Variants in JAZF1 observed in about 807,000 individuals in gnomAD.
JAZF1 encodes the protein juxtaposed with another zinc finger protein 1.
In JAZF1, 8 loss-of-function variants were observed where a neutral mutation model predicts 26.4. That is an observed-to-expected ratio of 0.30 (90% CI 0.18 to 0.55). The LOEUF (loss-of-function observed/expected upper bound fraction) is 0.55, where lower values mean the gene tolerates loss of function less well. JAZF1 is among the 20% of genes least tolerant of loss of function. The pLI is 0.94. For missense variants in JAZF1, 199 were observed against 322.0 expected, an observed-to-expected ratio of 0.62 and a Z score of 2.92; for synonymous variants, 126 against 122.3, an observed-to-expected ratio of 1.03 and a Z score of -0.20.
chr7:28,092,574 G>A (rs1195562220), intron 1 of JAZF1, among the ~76,000 whole-genome samples: 2 of 152,080 alleles, frequency 1.3e-5, no homozygotes, highest in African/African-American at 4.8e-5. Flanking sequence ...TGGATGCGGT[G>A]GCTCACACTT....
chr7:28,078,452 A>G lies in JAZF1; in HGVS notation c.116-86471T>C, dbSNP rs529129862. 1.2e-3 allele frequency among the ~76,000 whole-genome samples: 186 copies of G among 152,322 alleles called. 2 individuals are homozygous for G. Among genetic ancestry groups the G allele is most frequent in the African/African-American group, 4.3e-3 (179 of 41,564 alleles). On this transcript the variant is annotated intron_variant, in intron 1 of 4. Transcript: ENST00000283928. Reference sequence around the variant, plus strand: ...ATTTCTTTTTGCAGAAGCCATCTCCATGCAATCACCTACACTGCCCTCTTG... The same window carrying G: ...ATTTCTTTTTGCAGAAGCCATCTCCGTGCAATCACCTACACTGCCCTCTTG...
At chr7:28,045,615 C>T (rs964837465) in intron 1 of JAZF1, among the ~76,000 whole-genome samples, 1 of 152,132 alleles carries the variant, frequency 6.6e-6, no homozygotes, top group Non-Finnish European at 1.5e-5. Flanking sequence ...CTCACTCTGT[C>T]GCCAAGTTTG....
At chr7:28,036,921 C>T (rs1583522777) in intron 1 of JAZF1, among the ~76,000 whole-genome samples, 1 of 152,274 alleles carries the variant, frequency 6.6e-6, no homozygotes, top group South Asian at 2.1e-4. Flanking sequence ...ATCTACAGAA[C>T]AAACTCCCTC....
intron 2 of JAZF1, among the ~76,000 whole-genome samples, chr7:27,907,176 AAATTAATGACTCCTTCTCAT>A (rs1422695343): frequency 6.6e-6 from 1 of 152,222 alleles, no homozygotes; most frequent in African/African-American, 2.4e-5. Context: ...CAAGCTTAGA[AAATTAATGACTCCTTCTCAT>A]CTTGGGGTCC....
At chr7:27,852,420 C>T (rs995654106) in intron 3 of JAZF1, among the ~76,000 whole-genome samples, 1 of 152,164 alleles carries the variant, frequency 6.6e-6, no homozygotes, top group Non-Finnish European at 1.5e-5. Flanking sequence ...AGGCATGAGC[C>T]ACTGCACCTG....
chr7:27,961,919 AT>A (rs1439464015), intron 2 of JAZF1, among the ~76,000 whole-genome samples: 1 of 152,198 alleles, frequency 6.6e-6, no homozygotes, highest in Non-Finnish European at 1.5e-5. Context: ...AGAAGGCTAT[AT>A]GCTGGTCCAG....
chr7:28,046,839 T>C lies in JAZF1; in HGVS notation c.116-54858A>G, dbSNP rs372735862. Among the ~76,000 whole-genome samples, 8 of 152,336 alleles carry C rather than the reference T, an allele frequency of 5.3e-5. No individual in the cohort carries two copies. In the South Asian group the frequency reaches 1.7e-3, roughly 32 times the overall value. On this transcript the variant is annotated intron_variant, in intron 1 of 4. Coordinates refer to ENST00000283928, the MANE Select transcript of JAZF1 (RefSeq NM_175061.4). ...TATTTCATTGTCTTTTCCTTACTGA[T>C]TTGTGGGAGCTCTGTATAAATTTTG...
At chr7:28,150,003 G>A (rs1178342562) in intron 1 of JAZF1, among the ~76,000 whole-genome samples, 2 of 152,204 alleles carry the variant, frequency 1.3e-5, no homozygotes, top group South Asian at 2.1e-4. Flanking sequence ...CTTGCCAGGA[G>A]CACCCTGACA....
At chr7:27,842,838 C>A (rs1439972401) in intron 3 of JAZF1, 1 of 152,080 alleles carries the variant, frequency 6.6e-6, no homozygotes, top group Non-Finnish European at 1.5e-5. Flanking sequence ...ATTTATCCAT[C>A]TAATTGGGCT....
intron 1 of JAZF1, among the ~76,000 whole-genome samples, chr7:28,008,809 T>G (rs774038835): frequency 6.6e-6 from 1 of 152,232 alleles, no homozygotes; most frequent in Non-Finnish European, 1.5e-5. Flanking sequence ...TCAGTAGAGA[T>G]AGAAAACCTT....
intron 1 of JAZF1, among the ~76,000 whole-genome samples, chr7:28,107,757 C>T (rs781452914): frequency 7.0e-4 from 107 of 152,324 alleles, no homozygotes; most frequent in Non-Finnish European, 1.4e-3. Context: ...ACACCATTTC[C>T]GTTGTTAGAC....
At chr7:28,119,692 TAC>T (rs1389990723) in intron 1 of JAZF1, among the ~76,000 whole-genome samples, 11 of 152,208 alleles carry the variant, frequency 7.2e-5, no homozygotes, top group Non-Finnish European at 1.3e-4. Context: ...TTCCCCCTAC[TAC>T]TTACATGACA....
chr7:28,080,873 C>A (rs1229389628), intron 1 of JAZF1, among the ~76,000 whole-genome samples: 1 of 150,856 alleles, frequency 6.6e-6, no homozygotes, highest in Non-Finnish European at 1.5e-5. Flanking sequence ...CAAAATGTGA[C>A]ACAGAGACAT....
intron 1 of JAZF1, among the ~76,000 whole-genome samples, chr7:28,115,154 A>C (rs938769258): frequency 1.3e-5 from 2 of 152,214 alleles, no homozygotes; most frequent in African/African-American, 4.8e-5. Context: ...AGGAGGCTAC[A>C]TCAGGGCTGC....
At chr7:28,015,534 G>A (rs892103676) in intron 1 of JAZF1, among the ~76,000 whole-genome samples, 1 of 152,200 alleles carries the variant, frequency 6.6e-6, no homozygotes, top group Admixed American at 6.5e-5. Context: ...CAGATGCTCT[G>A]AGATACATGT....
At chr7:28,160,820 T>C (rs767047872) in intron 1 of JAZF1, among the ~76,000 whole-genome samples, 17 of 152,208 alleles carry the variant, frequency 1.1e-4, no homozygotes, top group South Asian at 4.1e-4. Context: ...ATATGGACCT[T>C]TATGGCTTGC....
At chr7:27,908,848 T>A (rs148755474) in intron 2 of JAZF1, among the ~76,000 whole-genome samples, 45 of 152,354 alleles carry the variant, frequency 3.0e-4, no homozygotes, top group Middle Eastern at 3.4e-3. Context: ...GTTGCCTGAT[T>A]CGAGAATCAC....
chr7:27,914,962 G>A (rs2128346429), intron 2 of JAZF1, among the ~76,000 whole-genome samples: 1 of 152,280 alleles, frequency 6.6e-6, no homozygotes, highest in South Asian at 2.1e-4. Flanking sequence ...GTGAAGAAAT[G>A]AGCCCCAGCC....
At chr7:28,068,436 T>C (rs1783920562) in intron 1 of JAZF1, among the ~76,000 whole-genome samples, 1 of 152,194 alleles carries the variant, frequency 6.6e-6, no homozygotes, top group African/African-American at 2.4e-5. Flanking sequence ...GTATCAATTA[T>C]ACCATTCACC....
Sources: allele counts gnomAD v4.1 joint callset (sites outside exome capture counted in the v4.1 genomes callset), GRCh38; gene constraint gnomAD v4.1.1; transcripts MANE v1.5; gene names NCBI Gene and HGNC (gene_info 2026-07-23, HGNC 2026-07-21).